PCDH9: variants seen among roughly 807,000 people sequenced by gnomAD.
The protein encoded by PCDH9 is protocadherin 9.
A neutral mutation model predicts 70.6 loss-of-function variants in PCDH9; 24 were observed. The observed-to-expected ratio is 0.34, with a 90% CI of 0.25 to 0.48. PCDH9 has a LOEUF of 0.48. PCDH9 is among the 20% of genes least tolerant of loss of function. PCDH9 has a pLI of 0.99. For synonymous variants in PCDH9, 562 were observed against 558.5 expected, an observed-to-expected ratio of 1.01 and a Z score of -0.09; for missense variants, 1,281 against 1,503.6, an observed-to-expected ratio of 0.85 and a Z score of 2.45.
chr13:66,838,433 TAAATA>T (rs1427115327), intron 3 of PCDH9, among the ~76,000 whole-genome samples: 2 of 152,128 alleles, frequency 1.3e-5, no homozygotes, highest in African/African-American at 4.8e-5. Flanking sequence ...GAATTGTCTA[TAAATA>T]AAATAAATAC....
Position 66,767,947 on chromosome 13 carries a change from A to T in PCDH9, c.3138+135557T>A, listed in dbSNP as rs1033473598. Among the ~76,000 whole-genome samples, 3 of 152,232 alleles carry T rather than the reference A, an allele frequency of 2.0e-5. No individual in the cohort carries two copies. The East Asian group carries it at 5.8e-4, about 29-fold the overall frequency. Reference sequence around the variant, plus strand: ...TCGTCTAGTACAGTGGGCAGACTTGAAAAGTAAAAATAGTAACACCTTGTG... The same window carrying T: ...TCGTCTAGTACAGTGGGCAGACTTGTAAAGTAAAAATAGTAACACCTTGTG... On this transcript the variant is annotated intron_variant, in intron 3 of 4. Transcript: ENST00000377865.
chr13:66,541,850 T>C (rs1324052985), intron 4 of PCDH9, among the ~76,000 whole-genome samples: 1 of 152,174 alleles, frequency 6.6e-6, no homozygotes, highest in African/African-American at 2.4e-5. Context: ...GAAAATGTGC[T>C]CCTGCATCTA....
At chr13:66,442,271 T>C (rs1957989200) in intron 4 of PCDH9, among the ~76,000 whole-genome samples, 1 of 152,106 alleles carries the variant, frequency 6.6e-6, no homozygotes, top group East Asian at 1.9e-4. Flanking sequence ...CTGGAGAACA[T>C]CCAAAACATA....
chr13:67,188,164 A>G (rs1428435169), intron 2 of PCDH9, among the ~76,000 whole-genome samples: 1 of 152,160 alleles, frequency 6.6e-6, no homozygotes, highest in Non-Finnish European at 1.5e-5. Context: ...AACCTGTGTC[A>G]TATGCTTATC....
intron 3 of PCDH9, among the ~76,000 whole-genome samples, chr13:66,787,547 C>T (rs1460720734): frequency 1.3e-5 from 2 of 151,622 alleles, no homozygotes; most frequent in South Asian, 4.2e-4. Context: ...ACCCAGAGGA[C>T]GGAGGCTGCA....
At chr13:66,756,116 A>T (rs1425648780) in intron 3 of PCDH9, among the ~76,000 whole-genome samples, 1 of 152,200 alleles carries the variant, frequency 6.6e-6, no homozygotes, top group Non-Finnish European at 1.5e-5. Flanking sequence ...CTGAAATTAG[A>T]TTTAGATCTA....
intron 4 of PCDH9, among the ~76,000 whole-genome samples, chr13:66,593,332 A>T (rs1444853438): frequency 6.6e-6 from 1 of 151,742 alleles, no homozygotes; most frequent in African/African-American, 2.4e-5. Flanking sequence ...TGGCTGGAAG[A>T]CATGGAATGC....
rs190173094 is a variant in PCDH9, at chr13:66,641,539, C to T, written c.3139-10128G>A. ...TATTGACAAATTACCGCATTCTCTC[C>T]TCCAGGCTCTACTAAAAGCATGACA... On this transcript the variant is annotated intron_variant, in intron 3 of 4. Transcript: ENST00000377865. Among the ~76,000 whole-genome samples the T allele has an allele frequency of 3.3e-5, 5 of 152,268 alleles. No individual in the cohort carries two copies. In the South Asian group the frequency reaches 6.2e-4, roughly 19 times the overall value.
intron 4 of PCDH9, among the ~76,000 whole-genome samples, chr13:66,627,291 A>G (rs1593801570): frequency 6.6e-6 from 1 of 152,196 alleles, no homozygotes; most frequent in East Asian, 1.9e-4. Flanking sequence ...AATTCCACTG[A>G]ATTCAAAGGG....
intron 4 of PCDH9, among the ~76,000 whole-genome samples, chr13:66,426,793 T>C (rs980901360): frequency 2.6e-5 from 4 of 151,610 alleles, no homozygotes; most frequent in African/African-American, 7.2e-5. Flanking sequence ...TTAATATTTA[T>C]TACAATAGAT....
intron 2 of PCDH9, among the ~76,000 whole-genome samples, chr13:66,904,645 A>G (rs770651684): frequency 2.0e-5 from 3 of 151,978 alleles, no homozygotes; most frequent in Admixed American, 1.3e-4. Flanking sequence ...CTATTCATCA[A>G]TGAAATGCTA....
chr13:66,827,875 A>T (rs1446117449), intron 3 of PCDH9, among the ~76,000 whole-genome samples: 1 of 152,164 alleles, frequency 6.6e-6, no homozygotes, highest in African/African-American at 2.4e-5. Flanking sequence ...ATACTTAGAG[A>T]TATACCACAA....
At chr13:66,410,062 T>C (rs192069459) in intron 4 of PCDH9, among the ~76,000 whole-genome samples, 1 of 152,306 alleles carries the variant, frequency 6.6e-6, no homozygotes, top group African/African-American at 2.4e-5. Flanking sequence ...AATTTTAGAT[T>C]TTTAACTTGG....
chr13:66,594,803 C>T (rs2077082233), intron 4 of PCDH9, among the ~76,000 whole-genome samples: 1 of 151,650 alleles, frequency 6.6e-6, no homozygotes, highest in African/African-American at 2.4e-5. Context: ...CTTCCAGCTT[C>T]ATCCATGTCC....
chr13:66,639,188 CT>C (rs1279234233), intron 3 of PCDH9, among the ~76,000 whole-genome samples: 3 of 152,148 alleles, frequency 2.0e-5, no homozygotes, highest in Non-Finnish European at 4.4e-5. Context: ...AACCAGTTTG[CT>C]GTTTGCCGCT....
At chr13:67,209,165 G>A (rs1593623779) in intron 2 of PCDH9, 1 of 152,054 alleles carries the variant, frequency 6.6e-6, no homozygotes, top group Non-Finnish European at 1.5e-5. Flanking sequence ...CTGCAACTAA[G>A]CCATTACACA....
chr13:67,099,907 T>C (rs946514796), intron 2 of PCDH9, among the ~76,000 whole-genome samples: 10 of 152,166 alleles, frequency 6.6e-5, no homozygotes, highest in African/African-American at 2.2e-4. Flanking sequence ...AAAGAGACAA[T>C]GAAATATAAT....
chr13:66,402,655 C>T (rs947426891), intron 4 of PCDH9, among the ~76,000 whole-genome samples: 1 of 152,076 alleles, frequency 6.6e-6, no homozygotes, highest in Admixed American at 6.6e-5. Flanking sequence ...AATGCTGACA[C>T]ACTGTATAAA....
At chr13:66,846,431 GT>G (rs1465573887) in intron 3 of PCDH9, among the ~76,000 whole-genome samples, 1 of 151,974 alleles carries the variant, frequency 6.6e-6, no homozygotes, top group African/African-American at 2.4e-5. Context: ...TTGACCAGAT[GT>G]TTTTTTAGCC....
Sources: allele counts gnomAD v4.1 joint callset (sites outside exome capture counted in the v4.1 genomes callset), GRCh38; gene constraint gnomAD v4.1.1; transcripts MANE v1.5; gene names NCBI Gene and HGNC (gene_info 2026-07-23, HGNC 2026-07-21).